SDR42E2: variants seen among roughly 807,000 people sequenced by gnomAD.
SDR42E2 encodes short chain dehydrogenase/reductase family 42E, member 2, also known as putative short-chain dehydrogenase/reductase family 42E member 2.
SDR42E2 carries 20 observed loss-of-function variants against 10.5 expected under a neutral mutation model. The observed-to-expected ratio is 1.90, with a 90% CI of 1.34 to 2.77. SDR42E2 has a LOEUF of 2.77. Among genes scored for constraint, SDR42E2 ranks in the 30% most tolerant of loss-of-function variants. The pLI is 0.00. For missense variants in SDR42E2, 162 were observed against 104.2 expected (o/e 1.55, Z -2.42); for synonymous variants, 72 against 39.2 (o/e 1.84, Z -3.12).
intron 1 of SDR42E2, among the ~76,000 whole-genome samples, chr16:22,164,433 C>T (rs1327414736): frequency 6.6e-6 from 1 of 152,172 alleles, no homozygotes. Context: ...GTAGCATGCA[C>T]CTGTATTCCC....
chr16:22,189,090 T>A (rs1163233113), intron 12 of SDR42E2, among the ~76,000 whole-genome samples: 1 of 152,102 alleles, frequency 6.6e-6, no homozygotes, highest in African/African-American at 2.4e-5. Flanking sequence ...GGACCCTGCT[T>A]ATCTAGCGTA....
In SDR42E2 at chr16:22,190,386, G is replaced by T. The variant is rs1237540759; in HGVS notation, c.1262G>T (p.Arg421Leu). ...GLQPLHAAVE[R>L]L The stretch of plus-strand genomic sequence containing the variant: ...CAGCCTCTGCACGCCGCCGTGGAGC[G>T]CCTGTGACCGTCCGCCGTCCGCCGC... The change falls in exon 13 of 13, where the codon CGC becomes CTC. Residue 421 changes from arginine to leucine, a missense_variant. By Grantham distance (102) the Arg-to-Leu change is moderately radical. Coordinates refer to ENST00000602312, the MANE Select transcript of SDR42E2 (RefSeq NM_001394319.2). 1 of 402,072 alleles carries T rather than the reference G, an allele frequency of 2.5e-6. No homozygotes were observed. The highest frequency in any genetic ancestry group is 4.4e-6 in the Non-Finnish European group (1 of 227,998). 24.9% of individuals were successfully genotyped at this position (402,072 alleles called of 1,614,324 possible).
intron 10 of SDR42E2, among the ~76,000 whole-genome samples, chr16:22,182,747 C>T (rs1455243513): frequency 1.3e-5 from 2 of 152,312 alleles, no homozygotes; most frequent in South Asian, 2.1e-4. Flanking sequence ...CATCTGTAAG[C>T]CCAGCACTTT....
chr16:22,177,253 T>C (rs921363179), intron 7 of SDR42E2, among the ~76,000 whole-genome samples: 3 of 152,158 alleles, frequency 2.0e-5, no homozygotes, highest in African/African-American at 7.2e-5. Flanking sequence ...TGAGAGTCCT[T>C]GTCTCTTAGA....
chr16:22,174,032 G>T (rs988291624), intron 7 of SDR42E2, among the ~76,000 whole-genome samples: 1 of 150,094 alleles, frequency 6.7e-6, no homozygotes, highest in African/African-American at 2.5e-5. Flanking sequence ...AGAGTCGGAG[G>T]CTTAAAAATT....
rs909535502 is a variant in SDR42E2 at position 22,190,454 on chromosome 16, C to G, written c.*61C>G. The G allele has an allele frequency of 2.5e-6, 1 of 400,312 alleles. No homozygotes were observed. The highest frequency in any genetic ancestry group is 4.4e-5 in the Admixed American group (1 of 22,702). The allele number at this position is 400,312 out of a possible 1,614,324, so 24.8% of individuals were successfully genotyped here. ...GCTGCACCCTCGCCCACGCCCGGCTCCCTGGGCTTGTACCAGCCCCTGCCC... is the reference window on the plus strand; with the variant it reads ...GCTGCACCCTCGCCCACGCCCGGCTGCCTGGGCTTGTACCAGCCCCTGCCC... On this transcript the variant is annotated 3_prime_UTR_variant, in exon 13 of 13. Transcript: ENST00000602312.
chr16:22,176,421 A>T (rs1326887890), intron 7 of SDR42E2, among the ~76,000 whole-genome samples: 1 of 152,230 alleles, frequency 6.6e-6, no homozygotes, highest in African/African-American at 2.4e-5. Context: ...GTATGCATGT[A>T]GGTAAAAACC....
At position 22,170,960 on chromosome 16, in the gene SDR42E2, C is replaced by T. The variant is rs570326100; in HGVS notation, c.513+9C>T. On this transcript the variant is annotated intron_variant, in intron 6 of 12. Coordinates refer to ENST00000602312, the MANE Select transcript of SDR42E2 (RefSeq NM_001394319.2). ...ATTTCCCATTGGACGAGGTACCTGT[C>T]TTCCGGGAGAGGTGGGCAGGACCCG... The T allele has an allele frequency of 1.0e-5, 7 of 702,970 alleles. No homozygotes were observed. In the East Asian group the frequency reaches 1.9e-4, roughly 19 times the overall value. 43.5% of individuals were successfully genotyped at this position (702,970 alleles called of 1,614,324 possible).
chr16:22,180,857 A>T (rs1203027572), intron 8 of SDR42E2, among the ~76,000 whole-genome samples: 1 of 152,192 alleles, frequency 6.6e-6, no homozygotes, highest in Non-Finnish European at 1.5e-5. Flanking sequence ...AAATACAAAA[A>T]TTAGCTGAGC....
At chr16:22,166,770 C>G (rs550843064) in intron 3 of SDR42E2, 134 bp from the exon 4 acceptor site, 8 of 448,766 alleles carry the variant, frequency 1.8e-5, no homozygotes, top group Non-Finnish European at 3.2e-5. Context: ...GCCCCACCAG[C>G]CTTTCCTGAT....
intron 4 of SDR42E2, among the ~76,000 whole-genome samples, chr16:22,168,290 G>A (rs1420608922): frequency 6.6e-6 from 1 of 151,798 alleles, no homozygotes; most frequent in Admixed American, 6.6e-5. Context: ...TTTTGAGACG[G>A]AGTTTCGCTC....
chr16:22,167,713 T>A (rs1245630936), intron 4 of SDR42E2, among the ~76,000 whole-genome samples: 1 of 152,164 alleles, frequency 6.6e-6, no homozygotes. Flanking sequence ...AGAAATAACC[T>A]ATCAGTTGAG....
At chr16:22,187,685 T>C (rs531020381) in intron 12 of SDR42E2, among the ~76,000 whole-genome samples, 2 of 151,866 alleles carry the variant, frequency 1.3e-5, no homozygotes, top group Non-Finnish European at 2.9e-5. Context: ...TGGCTCAGAA[T>C]ACTATTCTCA....
At chr16:22,167,165 ATTTTTTT>A (rs534502295) in intron 4 of SDR42E2, among the ~76,000 whole-genome samples, 166 bp downstream of exon 4, 5 of 37,724 alleles carry the variant, frequency 1.3e-4, no homozygotes, top group South Asian at 7.6e-4. Flanking sequence ...CAGTTCTGCC[ATTTTTTT>A]TTTTTTTTTT....
In SDR42E2 at chr16:22,163,013, G is replaced by A. The variant is rs533003960; in HGVS notation, c.-37+449G>A. 4.6e-5 allele frequency among the ~76,000 whole-genome samples: 7 copies of A among 152,286 alleles called. No individual in the cohort carries two copies. The East Asian group carries it at 9.7e-4, about 21-fold the overall frequency. The stretch of plus-strand genomic sequence containing the variant: ...CTTTGCGCCAGGCACTGTTCTAGGT[G>A]CTGGGACACTCCAGGGAATGAAATC... On this transcript the variant is annotated intron_variant, in intron 1 of 12. Coordinates refer to ENST00000602312, the MANE Select transcript of SDR42E2 (RefSeq NM_001394319.2).
At chr16:22,172,399 T>G in intron 7 of SDR42E2, 68 bp downstream of exon 7, 1 of 702,770 alleles carries the variant, frequency 1.4e-6, no homozygotes, top group South Asian at 1.5e-5. Context: ...AAAATACATG[T>G]GTGATTCATG....
chr16:22,190,279 G>C lies in SDR42E2; in HGVS notation c.1155G>C (p.Thr385=). 1 of 401,328 alleles carries C rather than the reference G, an allele frequency of 2.5e-6. No individual in the cohort carries two copies. The highest frequency in any genetic ancestry group is 4.4e-6 in the Non-Finnish European group (1 of 226,370). The allele number at this position is 401,328 out of a possible 1,614,324, so 24.9% of individuals were successfully genotyped here. The part of the protein sequence containing the change: ...QSTTRRPRGS[T]ARTLLRLLLR... ...CGACCCGGCGGCCCCGCGGCTCCACGGCGCGGACCCTCCTGCGCCTGCTGC... is the reference window on the plus strand; with the variant it reads ...CGACCCGGCGGCCCCGCGGCTCCACCGCGCGGACCCTCCTGCGCCTGCTGC... Residue 385 remains threonine, a synonymous_variant, in exon 13 of 13, where the codon ACG becomes ACC. Coordinates refer to ENST00000602312, the MANE Select transcript of SDR42E2 (RefSeq NM_001394319.2).
intron 1 of SDR42E2, among the ~76,000 whole-genome samples, chr16:22,163,377 C>T (rs2046511525): frequency 6.6e-6 from 1 of 152,150 alleles, no homozygotes; most frequent in South Asian, 2.1e-4. Context: ...GGGATTTAGG[C>T]CCCTGCTCAT....
chr16:22,172,658 G>A lies in SDR42E2; in HGVS notation c.589+327G>A, dbSNP rs188942103. Among the ~76,000 whole-genome samples, 7 of 152,270 alleles carry A rather than the reference G, an allele frequency of 4.6e-5. No individual in the cohort carries two copies. The East Asian group carries it at 1.4e-3, about 29-fold the overall frequency. Reference sequence around the variant, plus strand: ...GATCCAGTTTTAGGGGCCCTCTTTAGACAAAAGAGTACCAAATTATGAGTG... The same window carrying A: ...GATCCAGTTTTAGGGGCCCTCTTTAAACAAAAGAGTACCAAATTATGAGTG... On this transcript the variant is annotated intron_variant, in intron 7 of 12. Transcript: ENST00000602312.
Sources: gnomAD v4.1 joint callset for allele counts (sites outside exome capture counted in the v4.1 genomes callset) on GRCh38, gnomAD v4.1.1 for gene constraint, MANE v1.5 for transcripts, NCBI Gene and HGNC (gene_info 2026-07-23, HGNC 2026-07-21) for gene names.